PDE3A: variants seen among roughly 807,000 people sequenced by gnomAD.
The protein encoded by PDE3A is cGMP-inhibited 3',5'-cyclic phosphodiesterase 3A.
A neutral mutation model predicts 98.3 loss-of-function variants in PDE3A; 43 were observed. The observed-to-expected ratio is 0.44, with a 90% CI of 0.34 to 0.56. The LOEUF (loss-of-function observed/expected upper bound fraction) is 0.56, where lower values mean the gene tolerates loss of function less well. Among genes scored for constraint, PDE3A ranks in the 20% least tolerant of loss-of-function variants. PDE3A has a pLI of 0.01. For synonymous variants in PDE3A, 663 were observed against 567.9 expected (o/e 1.17, Z -2.38); for missense variants, 1,427 against 1,440.7 (o/e 0.99, Z 0.15).
At chr12:20,388,879 G>T (rs531701709) in intron 1 of PDE3A, among the ~76,000 whole-genome samples, 1 of 152,060 alleles carries the variant, frequency 6.6e-6, no homozygotes, top group African/African-American at 2.4e-5. Flanking sequence ...AAAACAATGT[G>T]TACATAATAT....
chr12:20,635,000 C>T lies in PDE3A; in HGVS notation c.1945C>T (p.Pro649Ser), dbSNP rs534053204. 1.2e-6 allele frequency: 2 copies of T among 1,612,482 alleles called. No homozygotes were observed. Among genetic ancestry groups the T allele is most frequent in the South Asian group, 1.1e-5 (1 of 91,056 alleles). ...NEDETECLREPLRKASACSTY... is the reference protein window; with the variant it reads ...NEDETECLRESLRKASACSTY... ...AGATGAAACAGAGTGCCTGAGAGAG[C>T]CTCTGAGGAAAGCATCGGCTTGCAG... The change falls in exon 8 of 16, where the codon CCT (proline) becomes TCT (serine). Residue 649 changes from proline to serine, a missense_variant. This residue lies in a region of PDE3A where 1,012 missense variants were observed against 886.5 expected (regional missense o/e 1.14). Transcript: ENST00000359062.
At chr12:20,463,454 A>T (rs1441375181) in intron 1 of PDE3A, among the ~76,000 whole-genome samples, 1 of 152,176 alleles carries the variant, frequency 6.6e-6, no homozygotes, top group Non-Finnish European at 1.5e-5. Flanking sequence ...TAATTATGTT[A>T]TACTTGTTAT....
chr12:20,631,327 A>C (rs776839162), intron 6 of PDE3A, among the ~76,000 whole-genome samples: 10 of 152,212 alleles, frequency 6.6e-5, no homozygotes, highest in Admixed American at 6.5e-5. Flanking sequence ...AGAAATTCAC[A>C]ACACACATGG....
chr12:20,538,401 C>T (rs112478943), intron 1 of PDE3A, among the ~76,000 whole-genome samples: 5,208 of 152,002 alleles, frequency 0.034, 135 homozygotes, highest in Middle Eastern at 0.14. Flanking sequence ...GCTGAGTTTT[C>T]CCCTTTTTAA....
chr12:20,533,478 C>CTTT (rs10707682), intron 1 of PDE3A, among the ~76,000 whole-genome samples: 8 of 124,646 alleles, frequency 6.4e-5, no homozygotes, highest in African/African-American at 9.2e-5. Context: ...GTTTCTTTTT[C>CTTT]TTTTTTTTTT....
At chr12:20,654,501 G>GTTTTTTGT (rs1415715515) in intron 15 of PDE3A, among the ~76,000 whole-genome samples, 1 of 151,650 alleles carries the variant, frequency 6.6e-6, no homozygotes, top group Non-Finnish European at 1.5e-5. Context: ...TTTTTTGTTT[G>GTTTTTTGT]TTTTTTGTTT....
intron 1 of PDE3A, among the ~76,000 whole-genome samples, chr12:20,444,428 A>G (rs1944920406): frequency 6.6e-6 from 1 of 152,148 alleles, no homozygotes; most frequent in Non-Finnish European, 1.5e-5. Context: ...AACCAAACCA[A>G]ATAAAATGAA....
intron 1 of PDE3A, among the ~76,000 whole-genome samples, chr12:20,549,071 T>C (rs1331544563): frequency 6.6e-6 from 1 of 152,158 alleles, no homozygotes; most frequent in African/African-American, 2.4e-5. Flanking sequence ...TACCAGTAGC[T>C]AAATGCCTCA....
At chr12:20,453,670 A>G (rs1049595900) in intron 1 of PDE3A, among the ~76,000 whole-genome samples, 5 of 152,306 alleles carry the variant, frequency 3.3e-5, no homozygotes, top group Middle Eastern at 3.4e-3. Flanking sequence ...TGTTTTGAAT[A>G]TAAGTAGGGA....
At chr12:20,623,686 G>GGATATATTCTAGAAAGAATATATT (rs1944187027) in intron 5 of PDE3A, among the ~76,000 whole-genome samples, 1 of 149,816 alleles carries the variant, frequency 6.7e-6, no homozygotes, top group Non-Finnish European at 1.5e-5. Flanking sequence ...AAGAATATAT[G>GGATATATTCTAGAAAGAATATATT]ATGGATATAT....
At chr12:20,572,886 A>G (rs1404254525) in intron 2 of PDE3A, among the ~76,000 whole-genome samples, 2 of 152,086 alleles carry the variant, frequency 1.3e-5, no homozygotes, top group Non-Finnish European at 2.9e-5. Flanking sequence ...AATGTATGAA[A>G]TACCAAATCA....
intron 1 of PDE3A, among the ~76,000 whole-genome samples, chr12:20,397,412 T>G (rs950186717): frequency 2.6e-5 from 4 of 152,060 alleles, no homozygotes; most frequent in African/African-American, 9.7e-5. Context: ...TTGAGCCCTT[T>G]TGGTACCTAT....
chr12:20,668,588 C>T (rs1362301146), intron 15 of PDE3A, among the ~76,000 whole-genome samples: 2 of 152,204 alleles, frequency 1.3e-5, no homozygotes, highest in African/African-American at 2.4e-5. Flanking sequence ...AGTAGAGGAA[C>T]ACTGACACCT....
At chr12:20,559,833 A>G (rs1942469167) in intron 2 of PDE3A, among the ~76,000 whole-genome samples, 1 of 152,218 alleles carries the variant, frequency 6.6e-6, no homozygotes, top group African/African-American at 2.4e-5. Flanking sequence ...AAGGTGGATG[A>G]AAAAGCTTTG....
chr12:20,456,461 G>T (rs1050257313), intron 1 of PDE3A, among the ~76,000 whole-genome samples: 3 of 152,010 alleles, frequency 2.0e-5, no homozygotes, highest in Non-Finnish European at 2.9e-5. Flanking sequence ...CCCAAATATT[G>T]ATGGAAACAT....
intron 2 of PDE3A, among the ~76,000 whole-genome samples, chr12:20,607,898 A>G (rs1189469021): frequency 6.6e-6 from 1 of 152,164 alleles, no homozygotes; most frequent in Non-Finnish European, 1.5e-5. Flanking sequence ...TCACTATCTA[A>G]GATTTCACCA....
intron 15 of PDE3A, among the ~76,000 whole-genome samples, chr12:20,669,216 C>T (rs796679251): frequency 3.3e-5 from 5 of 151,568 alleles, no homozygotes; most frequent in African/African-American, 7.2e-5. Flanking sequence ...ACCAAATCTA[C>T]GTCTGATTGG....
chr12:20,645,216 A>G lies in PDE3A; in HGVS notation c.2252-1274A>G, dbSNP rs377412540. Among the ~76,000 whole-genome samples, 31 of 152,074 alleles carry G rather than the reference A, an allele frequency of 2.0e-4. No individual in the cohort carries two copies. In the South Asian group the frequency reaches 5.6e-3, roughly 28 times the overall value. On this transcript the variant is annotated intron_variant, in intron 10 of 15. Transcript: ENST00000359062. The stretch of plus-strand genomic sequence containing the variant: ...AGTTGAGTTTCTTTAAGCTCTTCTG[A>G]TGAGATCTTTTCAAACCCACATCCA...
rs576549670 is a variant in PDE3A, at chr12:20,558,784, A to G, written c.1011+2074A>G. 5.9e-4 allele frequency among the ~76,000 whole-genome samples: 89 copies of G among 152,092 alleles called. No homozygotes were observed. The South Asian group carries it at 7.1e-3, about 12-fold the overall frequency. ...TTTATTGCTATTATCTCCTTGGTCA[A>G]TATGTCTAAAGCCTTCCAGCTTTTC... On this transcript the variant is annotated intron_variant, in intron 2 of 15. Coordinates refer to ENST00000359062, the MANE Select transcript of PDE3A (RefSeq NM_000921.5).
Sources: gnomAD v4.1 joint callset for allele counts (sites outside exome capture counted in the v4.1 genomes callset) on GRCh38, gnomAD v4.1.1 for gene constraint, gnomAD v4.1.1 regional missense constraint, MANE v1.5 for transcripts, NCBI Gene and HGNC (gene_info 2026-07-23, HGNC 2026-07-21) for gene names.